The following BBX variants were observed in gnomAD, a reference collection of about 807,000 sequenced individuals.
The protein encoded by BBX is HMG box transcription factor BBX.
BBX carries 30 observed loss-of-function variants against 100.2 expected under a neutral mutation model. The observed-to-expected ratio is 0.30, with a 90% CI of 0.22 to 0.41. BBX has a LOEUF of 0.41. BBX is among the 10% of genes least tolerant of loss of function. The probability of loss-of-function intolerance (pLI) is 1.00; values close to 1 mark genes in which losing one functional copy is unlikely to be tolerated. For missense variants in BBX, 1,023 were observed against 1,129.8 expected (o/e 0.91, Z 1.35); for synonymous variants, 376 against 388.1 (o/e 0.97, Z 0.37).
At chr3:107,536,361 C>G (rs547293800) in intron 2 of BBX, among the ~76,000 whole-genome samples, 22 of 152,128 alleles carry the variant, frequency 1.4e-4, no homozygotes, top group African/African-American at 5.1e-4. Context: ...AAAAGTTTGT[C>G]TTTTTTTTAA....
intron 2 of BBX, among the ~76,000 whole-genome samples, chr3:107,530,374 G>T (rs1458745942): frequency 6.6e-6 from 1 of 150,760 alleles, no homozygotes; most frequent in East Asian, 1.9e-4. Flanking sequence ...GACAGAGCAA[G>T]ACTCTGTCTC....
At chr3:107,779,966 A>G (rs1041453045) in intron 13 of BBX, among the ~76,000 whole-genome samples, 1 of 152,156 alleles carries the variant, frequency 6.6e-6, no homozygotes, top group Non-Finnish European at 1.5e-5. Context: ...AGTCTAGTGA[A>G]TAAAGAACTA....
chr3:107,665,594 C>G (rs1409466152), intron 3 of BBX, among the ~76,000 whole-genome samples: 1 of 152,078 alleles, frequency 6.6e-6, no homozygotes, highest in African/African-American at 2.4e-5. Flanking sequence ...CTCTTCCTCT[C>G]TTTGTTCTTT....
chr3:107,563,464 C>T (rs1211342089), intron 2 of BBX, among the ~76,000 whole-genome samples: 1 of 151,996 alleles, frequency 6.6e-6, no homozygotes, highest in Non-Finnish European at 1.5e-5. Flanking sequence ...AATTTTTATC[C>T]GGGCATCACA....
chr3:107,697,231 T>G (rs1254740427), intron 3 of BBX, among the ~76,000 whole-genome samples: 1 of 151,950 alleles, frequency 6.6e-6, no homozygotes, highest in Non-Finnish European at 1.5e-5. Context: ...CTTTGTTCTG[T>G]TGCTGGTGAG....
At chr3:107,556,248 C>T (rs558907153) in intron 2 of BBX, among the ~76,000 whole-genome samples, 2 of 152,108 alleles carry the variant, frequency 1.3e-5, no homozygotes, top group African/African-American at 4.8e-5. Context: ...ACTCCACTGC[C>T]TATTTAACAC....
intron 3 of BBX, among the ~76,000 whole-genome samples, chr3:107,682,387 G>T (rs1031654688): frequency 6.6e-6 from 1 of 152,118 alleles, no homozygotes; most frequent in African/African-American, 2.4e-5. Flanking sequence ...TATTAAGTGT[G>T]GAAGACAAAC....
At chr3:107,594,403 G>T (rs696377) in intron 2 of BBX, among the ~76,000 whole-genome samples, 81,253 of 151,934 alleles carry the variant, frequency 0.53, 22,626 homozygotes, top group East Asian at 0.96. Flanking sequence ...TCACCACTGG[G>T]GTGCTTCATA....
chr3:107,662,453 G>A (rs1038581769), intron 3 of BBX: 1 of 152,104 alleles, frequency 6.6e-6, no homozygotes, highest in African/African-American at 2.4e-5. Flanking sequence ...GCCAAGTTGA[G>A]ACTTTCCATA....
At chr3:107,767,519 C>T (rs1309607941) in intron 10 of BBX, among the ~76,000 whole-genome samples, 1 of 152,156 alleles carries the variant, frequency 6.6e-6, no homozygotes, top group Non-Finnish European at 1.5e-5. Flanking sequence ...TTTTGATCAT[C>T]TTTGACAAGT....
chr3:107,655,769 C>T (rs1307244773), intron 3 of BBX, among the ~76,000 whole-genome samples: 1 of 151,416 alleles, frequency 6.6e-6, no homozygotes, highest in Non-Finnish European at 1.5e-5. Flanking sequence ...GACACAATCT[C>T]AGCTCACTGC....
At chr3:107,635,715 C>CTTT (rs780828594) in intron 2 of BBX, among the ~76,000 whole-genome samples, 2 of 141,108 alleles carry the variant, frequency 1.4e-5, no homozygotes, top group Non-Finnish European at 1.5e-5. Flanking sequence ...GTATTTTCAT[C>CTTT]TTTTTTTTTT....
At chr3:107,685,479 A>T (rs976337961) in intron 3 of BBX, among the ~76,000 whole-genome samples, 1 of 152,210 alleles carries the variant, frequency 6.6e-6, no homozygotes, top group Non-Finnish European at 1.5e-5. Flanking sequence ...GTTGCTGAAA[A>T]TTACATGTAG....
intron 17 of BBX, among the ~76,000 whole-genome samples, chr3:107,802,673 T>C (rs1032103957): frequency 2.0e-5 from 3 of 152,256 alleles, no homozygotes; most frequent in Non-Finnish European, 4.4e-5. Context: ...GCCTGTGTTC[T>C]AAGCGTGGTC....
chr3:107,614,140 C>T (rs1007016459), intron 2 of BBX, among the ~76,000 whole-genome samples: 16 of 151,766 alleles, frequency 1.1e-4, no homozygotes, highest in East Asian at 1.9e-4. Flanking sequence ...TTAGTTGAGA[C>T]GGGGTTTCCC....
At chr3:107,649,002 T>C (rs2057683904) in intron 3 of BBX, among the ~76,000 whole-genome samples, 1 of 152,210 alleles carries the variant, frequency 6.6e-6, no homozygotes, top group Non-Finnish European at 1.5e-5. Flanking sequence ...GAAAGAGGTT[T>C]AATGGACTCA....
intron 4 of BBX, among the ~76,000 whole-genome samples, chr3:107,713,777 A>T (rs975707675): frequency 6.6e-6 from 1 of 151,904 alleles, no homozygotes; most frequent in Non-Finnish European, 1.5e-5. Context: ...CATCTTCTTC[A>T]TCCTTGTCTC....
chr3:107,805,510 T>A lies in BBX; in HGVS notation c.*53T>A, dbSNP rs2071002159. On this transcript the variant is annotated 3_prime_UTR_variant, in exon 18 of 18. Coordinates refer to ENST00000325805, the MANE Select transcript of BBX (RefSeq NM_001142568.3). ...CTTTACCTACTACCCTAGCCTTGTCTTTACCGAGGGATGCTAGTGAGTCCA... is the reference window on the plus strand; with the variant it reads ...CTTTACCTACTACCCTAGCCTTGTCATTACCGAGGGATGCTAGTGAGTCCA... The A allele has an allele frequency of 6.2e-7, 1 of 1,613,616 alleles. No homozygotes were observed. Among genetic ancestry groups the A allele is most frequent in the Admixed American group, 1.7e-5 (1 of 59,952 alleles).
intron 7 of BBX, among the ~76,000 whole-genome samples, chr3:107,733,750 G>A (rs1395496933): frequency 6.6e-6 from 1 of 152,178 alleles, no homozygotes; most frequent in Admixed American, 6.5e-5. Flanking sequence ...TCACAGATGT[G>A]AGCCACTGTG....
Sources: gnomAD v4.1 joint callset for allele counts (sites outside exome capture counted in the v4.1 genomes callset) on GRCh38, gnomAD v4.1.1 for gene constraint, MANE v1.5 for transcripts, NCBI Gene and HGNC (gene_info 2026-07-23, HGNC 2026-07-21) for gene names.